The following L3MBTL4 variants were observed in gnomAD, a reference collection of about 807,000 sequenced individuals.
L3MBTL4 encodes the protein L3MBTL histone methyl-lysine binding protein 4.
L3MBTL4 carries 70 observed loss-of-function variants against 84.5 expected under a neutral mutation model. The observed-to-expected ratio is 0.83, with a 90% CI of 0.68 to 1.01. The LOEUF (loss-of-function observed/expected upper bound fraction) is 1.01, where lower values mean the gene tolerates loss of function less well. Among genes scored for constraint, L3MBTL4 ranks in the 50% least tolerant of loss-of-function variants. The pLI is 0.00. For missense variants in L3MBTL4, 715 were observed against 754.8 expected (o/e 0.95, Z 0.62); for synonymous variants, 274 against 259.8 (o/e 1.05, Z -0.52).
intron 13 of L3MBTL4, among the ~76,000 whole-genome samples, chr18:6,167,352 A>C (rs926655313): frequency 6.6e-5 from 10 of 152,192 alleles, no homozygotes; most frequent in African/African-American, 2.4e-4. Context: ...CCTGATACCA[A>C]AGCCTGGCAG....
intron 10 of L3MBTL4, among the ~76,000 whole-genome samples, chr18:6,218,110 A>G (rs1244959856): frequency 6.6e-6 from 1 of 151,756 alleles, no homozygotes; most frequent in Admixed American, 6.6e-5. Context: ...AGTTGCATTT[A>G]CTTTTTCTTT....
chr18:6,385,910 C>A (rs2054797040), intron 1 of L3MBTL4, among the ~76,000 whole-genome samples: 1 of 152,130 alleles, frequency 6.6e-6, no homozygotes, highest in African/African-American at 2.4e-5. Flanking sequence ...TAAACTTGAG[C>A]CAATGCCATA....
chr18:6,004,789 G>C (rs936680521), intron 16 of L3MBTL4, among the ~76,000 whole-genome samples: 2 of 152,090 alleles, frequency 1.3e-5, no homozygotes, highest in African/African-American at 4.8e-5. Context: ...GAGATAGTGA[G>C]AGTAGTCAAA....
chr18:6,328,297 G>A (rs558754489), intron 1 of L3MBTL4, among the ~76,000 whole-genome samples: 2 of 152,154 alleles, frequency 1.3e-5, no homozygotes, highest in Non-Finnish European at 2.9e-5. Context: ...TCAATGACTT[G>A]CCTAAGCTCA....
rs201331375 is a variant in L3MBTL4, at chr18:6,391,025, C to CA, written c.-91+23775dup. Reference sequence around the variant, plus strand: ...ATACCACAACCAGGAAAGGACATAACAAAAAAAAACAAAAGTCTACAGACA... The same window carrying CA: ...ATACCACAACCAGGAAAGGACATAACAAAAAAAAAACAAAAGTCTACAGACA... On this transcript the variant is annotated intron_variant, in intron 1 of 18. Coordinates refer to ENST00000317931, the MANE Select transcript of L3MBTL4 (RefSeq NM_001330559.2). Among the ~76,000 whole-genome samples, 1,496 of 150,292 alleles carry CA rather than the reference C, an allele frequency of 1.0e-2. 23 individuals are homozygous for CA. The highest frequency in any genetic ancestry group is 0.034 in the African/African-American group (1,410 of 40,886).
chr18:6,086,842 T>C (rs578101057), intron 15 of L3MBTL4, among the ~76,000 whole-genome samples: 3 of 152,268 alleles, frequency 2.0e-5, no homozygotes, highest in East Asian at 3.9e-4. Context: ...CACACAAAGA[T>C]GGAACTGGTT....
intron 14 of L3MBTL4, among the ~76,000 whole-genome samples, chr18:6,136,446 A>ACCC (rs2060031032): frequency 6.6e-6 from 1 of 152,122 alleles, no homozygotes; most frequent in Admixed American, 6.5e-5. Context: ...CTCCCTTTGC[A>ACCC]CCCCTCACCC....
At chr18:6,292,907 C>T (rs2049931394) in intron 4 of L3MBTL4, among the ~76,000 whole-genome samples, 1 of 132,356 alleles carries the variant, frequency 7.6e-6, no homozygotes, top group Non-Finnish European at 1.7e-5. Context: ...TCTGCCATCA[C>T]TCACCAATCA....
At chr18:5,978,240 C>A (rs932343316) in intron 16 of L3MBTL4, among the ~76,000 whole-genome samples, 3 of 152,156 alleles carry the variant, frequency 2.0e-5, no homozygotes, top group African/African-American at 7.2e-5. Flanking sequence ...TCACCCACTC[C>A]TCAATTTCAT....
At chr18:5,998,709 C>T (rs1052173017) in intron 16 of L3MBTL4, among the ~76,000 whole-genome samples, 1 of 152,120 alleles carries the variant, frequency 6.6e-6, no homozygotes, top group African/African-American at 2.4e-5. Context: ...AGTCATTTTC[C>T]AGGACACAAA....
intron 17 of L3MBTL4, among the ~76,000 whole-genome samples, chr18:5,964,409 C>T (rs1250291089): frequency 4.6e-5 from 7 of 152,184 alleles, no homozygotes; most frequent in Non-Finnish European, 7.4e-5. Context: ...TTCTCTATCT[C>T]GCTGAGCCTG....
At chr18:6,247,472 T>TA in intron 5 of L3MBTL4, among the ~76,000 whole-genome samples, 1 of 122,608 alleles carries the variant, frequency 8.2e-6, no homozygotes, top group African/African-American at 3.8e-5. Context: ...TCTGATTTTT[T>TA]TTTTTTTTTT....
At chr18:6,131,193 T>C (rs2059865294) in intron 14 of L3MBTL4, among the ~76,000 whole-genome samples, 1 of 152,182 alleles carries the variant, frequency 6.6e-6, no homozygotes, top group Non-Finnish European at 1.5e-5. Flanking sequence ...AATTCTGATT[T>C]GAAATGGTAA....
intron 5 of L3MBTL4, chr18:6,258,734 A>G (rs1182780116): frequency 6.6e-6 from 1 of 152,424 alleles, no homozygotes; most frequent in Admixed American, 6.6e-5. Flanking sequence ...GGTTCCTGGC[A>G]TGGAGGCACC....
intron 1 of L3MBTL4, among the ~76,000 whole-genome samples, chr18:6,352,854 TG>T (rs1342650259): frequency 6.6e-6 from 1 of 152,228 alleles, no homozygotes. Flanking sequence ...GAACTTTAAA[TG>T]GTCAAAAATA....
At chr18:6,359,587 TA>T (rs1207872293) in intron 1 of L3MBTL4, among the ~76,000 whole-genome samples, 22 of 148,694 alleles carry the variant, frequency 1.5e-4, no homozygotes, top group South Asian at 8.4e-4. Flanking sequence ...ATGACATATC[TA>T]AAAAAAAAAT....
chr18:6,179,002 C>T (rs1307036354), intron 12 of L3MBTL4, among the ~76,000 whole-genome samples: 1 of 152,168 alleles, frequency 6.6e-6, no homozygotes, highest in Non-Finnish European at 1.5e-5. Flanking sequence ...GAATAAGATG[C>T]AAGACAGTAA....
At position 5,969,520 on chromosome 18, in the gene L3MBTL4, A is replaced by C. The variant is rs765321604; in HGVS notation, c.1487T>G (p.Val496Gly). 2.5e-6 allele frequency: 4 copies of C among 1,613,402 alleles called. No individual in the cohort carries two copies. Among genetic ancestry groups the C allele is most frequent in the South Asian group, 2.2e-5 (2 of 90,910 alleles). Residue 496 changes from valine (V) to glycine (G), a missense_variant, in exon 17 of 19, where the codon GTG (valine) becomes GGG (glycine). Physicochemically the swap from Val to Gly is moderately radical, Grantham distance 109. Coordinates refer to ENST00000317931, the MANE Select transcript of L3MBTL4 (RefSeq NM_001330559.2). ...EQAQQVLHQS[V>G]SMSTVSAHPF... ...GTGGGCTGACACCGTGGACATGGAC[A>C]CTGACTGGTGAAGCACCTGCTGCGC...
chr18:6,414,130 G>C lies in L3MBTL4; in HGVS notation c.-91+671C>G, dbSNP rs887318218. The C allele has an allele frequency of 6.6e-6, 1 of 152,260 alleles. No individual in the cohort carries two copies. The allele number at this position is 152,260 out of a possible 1,614,324, so 9.4% of individuals were successfully genotyped here. A position where few individuals can be genotyped will look rare whatever the true frequency, so the allele number is the denominator to read the frequency against. ...CGGCGCGCCCCCCGCAGTTCCAGGC[G>C]GTGGCAGGAGCCTGAGAGCCGCCGT... On this transcript the variant is annotated intron_variant, in intron 1 of 18. Coordinates refer to ENST00000317931, the MANE Select transcript of L3MBTL4 (RefSeq NM_001330559.2). This position sits in a 1 kb window ranked among gnomAD's most constrained non-coding sequence, Gnocchi z 5.4.
Sources: allele counts gnomAD v4.1 joint callset (sites outside exome capture counted in the v4.1 genomes callset), GRCh38; gene constraint gnomAD v4.1.1; non-coding constraint Gnocchi (gnomAD v3.1); transcripts MANE v1.5; gene names NCBI Gene and HGNC (gene_info 2026-07-23, HGNC 2026-07-21).